Variants in SDK1 observed in about 807,000 individuals in gnomAD.
SDK1 encodes the protein sidekick cell adhesion molecule 1.
SDK1 carries 157 observed loss-of-function variants against 245.5 expected under a neutral mutation model. The ratio of observed to expected loss-of-function variants is 0.64; its 90% CI spans 0.56 to 0.73. The LOEUF is 0.73. Ranked by LOEUF, SDK1 falls within the 30% of genes least tolerant of loss-of-function variation. The pLI, the probability that SDK1 is intolerant of heterozygous loss-of-function variation, is 0.00. For missense variants in SDK1, 3,583 were observed against 3,002.3 expected (o/e 1.19, Z -4.52); for synonymous variants, 1,647 against 1,278.5 (o/e 1.29, Z -6.15).
intron 35 of SDK1, among the ~76,000 whole-genome samples, chr7:4,181,696 G>T (rs566847215): frequency 6.6e-6 from 1 of 152,318 alleles, no homozygotes; most frequent in Non-Finnish European, 1.5e-5. Context: ...ACCCTTTGCA[G>T]TCCCACAGAA....
intron 13 of SDK1, among the ~76,000 whole-genome samples, chr7:3,982,364 CT>C (rs1783475692): frequency 1.3e-5 from 2 of 152,196 alleles, no homozygotes; most frequent in African/African-American, 4.8e-5. Flanking sequence ...GGTTTCATGC[CT>C]GCTAGCACAA....
At chr7:3,971,938 G>T (rs989271471) in intron 12 of SDK1, among the ~76,000 whole-genome samples, 1 of 152,022 alleles carries the variant, frequency 6.6e-6, no homozygotes, top group African/African-American at 2.4e-5. Flanking sequence ...TGCCACTCCC[G>T]GGAGAGTTCT....
intron 5 of SDK1, among the ~76,000 whole-genome samples, chr7:3,913,308 T>G (rs1033692253): frequency 6.6e-6 from 1 of 150,690 alleles, no homozygotes; most frequent in Non-Finnish European, 1.5e-5. Flanking sequence ...TTTTTTTTTT[T>G]TTTGAGATGG....
intron 1 of SDK1, among the ~76,000 whole-genome samples, chr7:3,603,081 G>A (rs1003367359): frequency 6.6e-6 from 1 of 151,838 alleles, no homozygotes; most frequent in East Asian, 1.9e-4. Context: ...TTTGGTTACT[G>A]TAGCCTTGTA....
intron 12 of SDK1, among the ~76,000 whole-genome samples, chr7:3,972,134 C>G (rs1241568687): frequency 2.7e-5 from 4 of 146,110 alleles, no homozygotes; most frequent in Non-Finnish European, 4.5e-5. Flanking sequence ...AGCTGGAGTA[C>G]AGTGGCATTA....
chr7:3,357,135 C>T (rs1208530765), intron 1 of SDK1, among the ~76,000 whole-genome samples: 1 of 150,008 alleles, frequency 6.7e-6, no homozygotes, highest in Non-Finnish European at 1.5e-5. Context: ...AAAATACCTG[C>T]TTGACCACAT....
intron 4 of SDK1, among the ~76,000 whole-genome samples, chr7:3,796,649 G>C (rs923519556): frequency 6.6e-6 from 1 of 152,162 alleles, no homozygotes; most frequent in Non-Finnish European, 1.5e-5. Context: ...CTGGGCACTG[G>C]GTTCCTTTGG....
chr7:4,232,981 G>T, intron 40 of SDK1: 1 of 339,598 alleles, frequency 2.9e-6, no homozygotes, highest in African/African-American at 2.0e-5. Context: ...GGGGAGATAT[G>T]CATAACCTAA....
At chr7:3,523,573 C>T (rs974135582) in intron 1 of SDK1, among the ~76,000 whole-genome samples, 6 of 151,982 alleles carry the variant, frequency 3.9e-5, no homozygotes, top group African/African-American at 1.5e-4. Context: ...TTTTTCGACC[C>T]CATACAGCCT....
In SDK1 at chr7:3,819,718, A is replaced by G. The variant is rs116144522; in HGVS notation, c.714-1732A>G. Among the ~76,000 whole-genome samples, 748 of 152,264 alleles carry G rather than the reference A, an allele frequency of 4.9e-3. 7 individuals are homozygous for G. Among genetic ancestry groups the G allele is most frequent in the African/African-American group, 0.017 (726 of 41,580 alleles). On this transcript the variant is annotated intron_variant, in intron 4 of 44. Coordinates refer to ENST00000404826, the MANE Select transcript of SDK1 (RefSeq NM_152744.4). ...CTTCCTAATAGGGAAATTTTCATAA[A>G]TGAGACATGAAGTAAGTCATAGAGA... is the stretch of plus-strand genomic sequence containing the variant.
intron 1 of SDK1, among the ~76,000 whole-genome samples, chr7:3,391,669 C>T (rs1369114495): frequency 2.2e-5 from 3 of 137,270 alleles, no homozygotes; most frequent in Non-Finnish European, 4.6e-5. Flanking sequence ...CAGGGTCTTG[C>T]TCTGTCTCCT....
chr7:4,228,838 C>G (rs1395586069), intron 40 of SDK1, among the ~76,000 whole-genome samples: 1 of 152,168 alleles, frequency 6.6e-6, no homozygotes, highest in African/African-American at 2.4e-5. Flanking sequence ...GCACCCGGCC[C>G]TTGCTTTTCC....
rs759002886 is a variant in SDK1 at position 4,113,331 on chromosome 7, C to T, written c.3477C>T (p.Tyr1159=). The change falls in exon 24 of 45, where the codon TAC becomes TAT. Residue 1159 remains tyrosine (Y), a synonymous_variant. Coordinates refer to ENST00000404826, the MANE Select transcript of SDK1 (RefSeq NM_152744.4). ...KQVNIVGPSP[Y]SPSSRVIQTL... ...TGAACATTGTTGGGCCGAGCCCCTA[C>T]AGTCCGTCTTCCCGGGTCATCCAGA... 8.4e-5 allele frequency: 135 copies of T among 1,614,044 alleles called. 1 individual carries two copies. In the Admixed American group the frequency reaches 2.1e-3, roughly 25 times the overall value.
chr7:3,840,148 A>G (rs1780121532), intron 5 of SDK1, among the ~76,000 whole-genome samples: 1 of 152,168 alleles, frequency 6.6e-6, no homozygotes, highest in African/African-American at 2.4e-5. Context: ...CGTTTTTCAA[A>G]ATTTTTATGG....
chr7:3,532,433 G>T (rs1373680019), intron 1 of SDK1, among the ~76,000 whole-genome samples: 2 of 152,156 alleles, frequency 1.3e-5, no homozygotes, highest in African/African-American at 2.4e-5. Context: ...GGAGGTCACT[G>T]ACTCCTGGTA....
intron 2 of SDK1, among the ~76,000 whole-genome samples, chr7:3,633,993 C>T (rs1273383134): frequency 7.2e-5 from 11 of 152,102 alleles, no homozygotes; most frequent in East Asian, 1.9e-4. Context: ...CCCCCACCAC[C>T]GCTGCTGTCA....
intron 1 of SDK1, chr7:3,338,631 CAAAAAA>C (rs5881978): frequency 1.1e-5 from 2 of 185,202 alleles, no homozygotes; most frequent in African/African-American, 4.9e-5. Flanking sequence ...AACAAACAAA[CAAAAAA>C]AAACACCAAA....
At chr7:3,879,784 T>A (rs949745668) in intron 5 of SDK1, among the ~76,000 whole-genome samples, 3 of 152,242 alleles carry the variant, frequency 2.0e-5, no homozygotes, top group African/African-American at 7.2e-5. Context: ...TAGCCTGGGC[T>A]GTAGTGGAAC....
chr7:3,667,467 A>G (rs1485569133), intron 4 of SDK1, among the ~76,000 whole-genome samples: 1 of 152,210 alleles, frequency 6.6e-6, no homozygotes. Flanking sequence ...CTTAAGATTC[A>G]AGGATAGAAT....
Sources: allele counts gnomAD v4.1 joint callset (sites outside exome capture counted in the v4.1 genomes callset), GRCh38; gene constraint gnomAD v4.1.1; transcripts MANE v1.5; gene names NCBI Gene and HGNC (gene_info 2026-07-23, HGNC 2026-07-21).